Variants in BRI3 observed in about 807,000 individuals in gnomAD.
BRI3 encodes brain protein I3, also known as membrane protein BRI3.
In BRI3, 6 loss-of-function variants were observed where a neutral mutation model predicts 12.8. That is an observed-to-expected ratio of 0.47 (90% CI 0.26 to 0.93). The LOEUF (loss-of-function observed/expected upper bound fraction) is 0.93, where lower values mean the gene tolerates loss of function less well. Ranked by LOEUF, BRI3 falls within the 40% of genes least tolerant of loss-of-function variation. The pLI is 0.15. For missense variants in BRI3, 134 were observed against 171.1 expected (o/e 0.78, Z 1.21); for synonymous variants, 91 against 76.1 (o/e 1.20, Z -1.02).
exon 2 of BRI3, chr7:98,308,011 C>T (rs570584971): frequency 2.0e-6 from 2 of 989,826 alleles, no homozygotes; most frequent in Non-Finnish European, 1.6e-6. Context: ...AATGCTCCTT[C>T]CACGGAAACT....
chr7:98,307,495 A>G, intron 1 of BRI3: 1 of 1,431,702 alleles, frequency 7.0e-7, no homozygotes, highest in Non-Finnish European at 9.1e-7. Flanking sequence ...CATGCACCAA[A>G]TGTATCTCTA....
the BRI3 span, among the ~76,000 whole-genome samples, chr7:98,316,179 C>T: frequency 6.6e-6 from 1 of 152,158 alleles, no homozygotes; most frequent in Non-Finnish European, 1.5e-5. Flanking sequence ...TTGCCTGCTG[C>T]CATCCATGTA....
At chr7:98,308,205 G>C in exon 2 of BRI3, 1 of 546,410 alleles carries the variant, frequency 1.8e-6, no homozygotes, top group Non-Finnish European at 3.5e-6. Flanking sequence ...CTTTAGCCAG[G>C]ATGGCTCTTC....
chr7:98,308,547 G>C (rs1421610468), exon 2 of BRI3: 1 of 345,056 alleles, frequency 2.9e-6, no homozygotes, highest in South Asian at 2.2e-5. Context: ...GGCTGGGCCA[G>C]GAACCAGCTA....
At chr7:98,293,291 ATATTT>A (rs1009795384), downstream of BRI3, 4 of 451,166 alleles carry the variant, frequency 8.9e-6, no homozygotes, top group Non-Finnish European at 1.6e-5. Context: ...TAGGAAGAAA[ATATTT>A]TAAATGGCTG....
Position 98,282,385 on chromosome 7 carries a change from C to A in BRI3, c.177C>A (p.Ile59=), listed in dbSNP as rs147351220. ...CCCACCATCCCAGGGTCTACAACAT[C>A]CACAGCCGGACCGTCACCCGCTATC... ...IPTHHPRVYN[I]HSRTVTRYPA... is the part of the protein sequence containing the mutation. The change falls in exon 2 of 3, where the codon ATC becomes ATA. Residue 59 remains isoleucine (I), a synonymous_variant. Coordinates refer to ENST00000297290, the MANE Select transcript of BRI3 (RefSeq NM_015379.5). The A allele has an allele frequency of 2.1e-3, 3,403 of 1,614,104 alleles. 79 individuals carry two copies. The East Asian group carries it at 0.052, about 25-fold the overall frequency.
chr7:98,303,771 T>C (rs966557395), upstream of BRI3, among the ~76,000 whole-genome samples: 1 of 152,188 alleles, frequency 6.6e-6, no homozygotes, highest in Admixed American at 6.5e-5. Context: ...AAAGATAACA[T>C]CCACAGTGCC....
the BRI3 span, chr7:98,317,279 C>A: frequency 6.2e-7 from 1 of 1,614,032 alleles, no homozygotes; most frequent in African/African-American, 1.3e-5. Flanking sequence ...TCCTTCTGAT[C>A]TTCTTCAACT....
At chr7:98,285,912 C>T (rs4729429) in intron 2 of BRI3, among the ~76,000 whole-genome samples, 147,296 of 152,276 alleles carry the variant, frequency 0.97, 71,430 homozygotes, top group South Asian at 1. Flanking sequence ...GGAAGCCCTG[C>T]GTCTCCCCTT....
At chr7:98,283,002 T>C (rs1562955932) in intron 2 of BRI3, 2 of 153,432 alleles carry the variant, frequency 1.3e-5, no homozygotes, top group East Asian at 3.8e-4. Context: ...AACCCCGTGT[T>C]TCTTTGAGGC....
At chr7:98,307,578 C>G (rs1800705251) in exon 2 of BRI3, 2 of 1,508,286 alleles carry the variant, frequency 1.3e-6, no homozygotes, top group Non-Finnish European at 1.8e-6. Context: ...AAACCATAAA[C>G]TTAACTTTGG....
At chr7:98,305,452 G>A (rs945755620), upstream of BRI3, among the ~76,000 whole-genome samples, 1 of 152,108 alleles carries the variant, frequency 6.6e-6, no homozygotes, top group Non-Finnish European at 1.5e-5. Flanking sequence ...CAGACCCTGG[G>A]GAATGCAACG....
At chr7:98,303,635 G>A (rs990608214), upstream of BRI3, among the ~76,000 whole-genome samples, 1 of 152,222 alleles carries the variant, frequency 6.6e-6, no homozygotes, top group Non-Finnish European at 1.5e-5. Context: ...CCTCTGTGCG[G>A]TGGCGGGAAT....
At chr7:98,302,013 C>T (rs577139839), upstream of BRI3, among the ~76,000 whole-genome samples, 17 of 152,160 alleles carry the variant, frequency 1.1e-4, no homozygotes, top group African/African-American at 3.1e-4. Flanking sequence ...AGTGGGAAGC[C>T]GGTAAGAGGC....
chr7:98,287,454 G>T (rs140496184), intron 2 of BRI3, among the ~76,000 whole-genome samples: 48 of 152,198 alleles, frequency 3.2e-4, no homozygotes, highest in Non-Finnish European at 1.5e-4. Context: ...CTGGGAGGCC[G>T]TGGGGTCAGC....
chr7:98,291,603 A>C, downstream of BRI3: 1 of 908,044 alleles, frequency 1.1e-6, no homozygotes. Flanking sequence ...TCCCCCGGCC[A>C]GTCCTGACCA....
chr7:98,315,651 G>A, the BRI3 span: 7 of 1,021,482 alleles, frequency 6.9e-6, no homozygotes, highest in Admixed American at 2.1e-4. Context: ...AATTATATAA[G>A]CATGACATGA....
At position 98,281,928 on chromosome 7, in the gene BRI3, C is replaced by T. The variant is rs1390826831; in HGVS notation, c.133C>T (p.Leu45Phe). The change falls in exon 1 of 3, where the codon CTC becomes TTC. Residue 45 changes from leucine to phenylalanine, a missense_variant. Transcript: ENST00000297290. ...GCCCCCGCCGCCGCCCTACCCCTAC[C>T]TCGTCACAGGTGGGCCCGTAACCAA... Reference protein sequence around the residue: ...AAPPPPPYPYLVTGIPTHHPR... With the variant: ...AAPPPPPYPYFVTGIPTHHPR... The T allele has an allele frequency of 1.5e-6, 2 of 1,312,024 alleles. No individual in the cohort carries two copies. The highest frequency in any genetic ancestry group is 3.1e-5 in the East Asian group (1 of 32,064). The allele number at this position is 1,312,024 out of a possible 1,614,324, so 81.3% of individuals were successfully genotyped here. A position where few individuals can be genotyped will look rare whatever the true frequency, so the allele number is the denominator to read the frequency against.
exon 2 of BRI3, chr7:98,309,341 GAC>G (rs1392830130): frequency 1.3e-5 from 2 of 151,958 alleles, no homozygotes; most frequent in Non-Finnish European, 2.9e-5. Context: ...TTTTAGTAGA[GAC>G]AGGGTTTCAC....
Sources: allele counts gnomAD v4.1 joint callset (sites outside exome capture counted in the v4.1 genomes callset), GRCh38; gene constraint gnomAD v4.1.1; transcripts MANE v1.5; gene names NCBI Gene and HGNC (gene_info 2026-07-23, HGNC 2026-07-21).